Variants in RC3H2 observed in about 807,000 individuals in gnomAD.
RC3H2 encodes roquin-2.
A neutral mutation model predicts 133.3 loss-of-function variants in RC3H2; 31 were observed. That is an observed-to-expected ratio of 0.23 (90% CI 0.17 to 0.31). RC3H2 has a LOEUF of 0.31. Among genes scored for constraint, RC3H2 ranks in the 10% least tolerant of loss-of-function variants. The pLI is 1.00. For missense variants in RC3H2, 1,175 were observed against 1,437.2 expected (o/e 0.82, Z 2.95); for synonymous variants, 517 against 502.2 (o/e 1.03, Z -0.40).
rs1829880322 is a variant in RC3H2 at position 122,846,831 on chromosome 9, T to C, written c.*2796A>G. On this transcript the variant is annotated 3_prime_UTR_variant, in exon 21 of 21. Coordinates refer to ENST00000357244, the MANE Select transcript of RC3H2 (RefSeq NM_001100588.3). ...ATCCTAGGTCTGATTTGTAACATTT[T>C]CCTCGATGATATCAGTAGGTACCAT... 1 of 152,150 alleles carries C rather than the reference T, an allele frequency of 6.6e-6. No homozygotes were observed. Among genetic ancestry groups the C allele is most frequent in the African/African-American group, 2.4e-5 (1 of 41,430 alleles). The allele number at this position is 152,150 out of a possible 1,614,324, so 9.4% of individuals were successfully genotyped here.
chr9:122,861,519 A>AG (rs1184198634), intron 10 of RC3H2, among the ~76,000 whole-genome samples: 6 of 150,668 alleles, frequency 4.0e-5, no homozygotes, highest in East Asian at 1.9e-4. Flanking sequence ...AGAAAAGAAA[A>AG]AAAACCATAT....
Position 122,905,285 on chromosome 9 carries a change from G to T in RC3H2, c.-243C>A, listed in dbSNP as rs544202473. On this transcript the variant is annotated 5_prime_UTR_variant, in exon 1 of 21. Coordinates refer to ENST00000357244, the MANE Select transcript of RC3H2 (RefSeq NM_001100588.3). ...GTTGGCGGCGGCGAAGGCCGCGACG[G>T]GGCCTCCTCCTCCTCCCTCCACCTC... is the stretch of plus-strand genomic sequence containing the variant. 3.0e-6 allele frequency: 3 copies of T among 985,652 alleles called. No homozygotes were observed. Among genetic ancestry groups the T allele is most frequent in the African/African-American group, 3.5e-5 (2 of 57,216 alleles). 61.1% of individuals were successfully genotyped at this position (985,652 alleles called of 1,614,324 possible). A position where few individuals can be genotyped will look rare whatever the true frequency, so the allele number is the denominator to read the frequency against.
At chr9:122,892,629 T>C (rs1832232117) in intron 3 of RC3H2, among the ~76,000 whole-genome samples, 1 of 152,200 alleles carries the variant, frequency 6.6e-6, no homozygotes, top group African/African-American at 2.4e-5. Context: ...GCCAGGATAG[T>C]CTCGATCTTC....
chr9:122,851,939 C>G (rs1436551912), intron 18 of RC3H2, among the ~76,000 whole-genome samples: 12 of 151,980 alleles, frequency 7.9e-5, no homozygotes, highest in African/African-American at 2.9e-4. Context: ...AAGTGAGGAG[C>G]GTCTCTGCCT....
In RC3H2 at chr9:122,846,642, G is replaced by A. The variant is rs1829874404; in HGVS notation, c.*2985C>T. 1 of 152,086 alleles carries A rather than the reference G, an allele frequency of 6.6e-6. No individual in the cohort carries two copies. Among genetic ancestry groups the A allele is most frequent in the African/African-American group, 2.4e-5 (1 of 41,420 alleles). The allele number at this position is 152,086 out of a possible 1,614,324, so 9.4% of individuals were successfully genotyped here. A position where few individuals can be genotyped will look rare whatever the true frequency, so the allele number is the denominator to read the frequency against. Reference sequence around the variant, plus strand: ...CCACTTTCCTGCTTTCCAGACCTCAGACTATTTTTTCTGATTAGACAATAG... The same window carrying A: ...CCACTTTCCTGCTTTCCAGACCTCAAACTATTTTTTCTGATTAGACAATAG... On this transcript the variant is annotated 3_prime_UTR_variant, in exon 21 of 21. Transcript: ENST00000357244.
intron 20 of RC3H2, 21 bp downstream of exon 20, chr9:122,851,060 A>G: frequency 6.2e-7 from 1 of 1,613,026 alleles, no homozygotes; most frequent in Non-Finnish European, 8.5e-7. Context: ...ACTGTTTATG[A>G]ATTTTCTGTC....
rs1831541352 is a variant in RC3H2 at position 122,879,975 on chromosome 9, G to C, written c.1093+18C>G. On this transcript the variant is annotated intron_variant, in intron 7 of 20. Coordinates refer to ENST00000357244, the MANE Select transcript of RC3H2 (RefSeq NM_001100588.3). ...AAAGTAGAAAAAAATATAAGCAACT[G>C]AGCATATTCCCACATACCTGGATTA... 6.2e-7 allele frequency: 1 copy of C among 1,613,712 alleles called. No individual in the cohort carries two copies.
rs1831578114 is a variant in RC3H2, at chr9:122,880,628, G to A, written c.926C>T (p.Ala309Val). 1.2e-6 allele frequency: 2 copies of A among 1,613,888 alleles called. No individual in the cohort carries two copies. The highest frequency in any genetic ancestry group is 1.7e-6 in the Non-Finnish European group (2 of 1,179,878). The stretch of plus-strand genomic sequence containing the variant: ...GATAGACTGCATGTGTGATTTATGA[G>A]CCAAATCACCATACAAAAGAGAGGA... ...QWSSLLYGDL[A>V]HKSHMQSIID... The change falls in exon 6 of 21, where the codon GCT becomes GTT. Residue 309 changes from alanine to valine, a missense_variant. This residue lies in a region of RC3H2 where 131 missense variants were observed against 154.2 expected (regional missense o/e 0.85). Transcript: ENST00000357244.
Position 122,849,781 on chromosome 9 carries a change from C to A in RC3H2, c.3422G>T (p.Ser1141Ile). The change falls in exon 21 of 21, where the codon AGC (serine) becomes ATC (isoleucine). Residue 1141 changes from serine (S) to isoleucine (I), a missense_variant. This residue lies in a region of RC3H2 where 220 missense variants were observed against 201.1 expected (regional missense o/e 1.09). Coordinates refer to ENST00000357244, the MANE Select transcript of RC3H2 (RefSeq NM_001100588.3). ...KTILPVTSCFSQPLPVSISNA... is the reference protein window; with the variant it reads ...KTILPVTSCFIQPLPVSISNA... ...GCTAATAGACACTGGGAGTGGCTGG[C>A]TAAAGCAAGAAGTTACCGGCAGAAT... The A allele has an allele frequency of 6.3e-7, 1 of 1,583,582 alleles. No homozygotes were observed. Among genetic ancestry groups the A allele is most frequent in the South Asian group, 1.2e-5 (1 of 85,820 alleles).
At position 122,905,205 on chromosome 9, in the gene RC3H2, G is replaced by C. The variant is rs1480340481; in HGVS notation, c.-163C>G. ...AGGCGCCTCGTCTCGCCGGGGCAGAGCTCGGCGGAGGTTTCACGACCTCAA... is the reference window on the plus strand; with the variant it reads ...AGGCGCCTCGTCTCGCCGGGGCAGACCTCGGCGGAGGTTTCACGACCTCAA... On this transcript the variant is annotated 5_prime_UTR_variant, in exon 1 of 21. Coordinates refer to ENST00000357244, the MANE Select transcript of RC3H2 (RefSeq NM_001100588.3). The C allele has an allele frequency of 7.3e-5, 72 of 985,388 alleles. No homozygotes were observed. The highest frequency in any genetic ancestry group is 8.3e-5 in the Non-Finnish European group (69 of 829,956). 61.0% of individuals were successfully genotyped at this position (985,388 alleles called of 1,614,324 possible).
intron 10 of RC3H2, among the ~76,000 whole-genome samples, chr9:122,862,723 C>T (rs1385834842): frequency 2.6e-5 from 4 of 151,912 alleles, no homozygotes; most frequent in African/African-American, 9.7e-5. Flanking sequence ...GGCGAAACCC[C>T]GTCTCTACTA....
chr9:122,883,228 T>G lies in RC3H2; in HGVS notation c.735A>C (p.Leu245=). ...CCTTAAAACAAGAAGCTCGATACAG[T>G]AGTTGCACAACATGACCAATACTTG... ...SKTSIGHVVQ[L]LYRASCFKVT... is the part of the protein sequence containing the mutation. The change falls in exon 5 of 21, where the codon CTA becomes CTC. Residue 245 remains leucine (L), a synonymous_variant. Coordinates refer to ENST00000357244, the MANE Select transcript of RC3H2 (RefSeq NM_001100588.3). The G allele has an allele frequency of 1.2e-6, 2 of 1,613,498 alleles. No individual in the cohort carries two copies. Among genetic ancestry groups the G allele is most frequent in the South Asian group, 2.2e-5 (2 of 90,896 alleles).
chr9:122,887,933 CAG>C (rs1044473238), intron 4 of RC3H2, among the ~76,000 whole-genome samples: 1 of 151,968 alleles, frequency 6.6e-6, no homozygotes, highest in African/African-American at 2.4e-5. Context: ...TTAGTAGAGA[CAG>C]GGTTTCGCCA....
intron 18 of RC3H2, among the ~76,000 whole-genome samples, chr9:122,851,919 C>G (rs914564892): frequency 4.6e-5 from 7 of 152,066 alleles, no homozygotes; most frequent in Non-Finnish European, 1.0e-4. Context: ...CGGCCGCCAC[C>G]CCGTCTGGGA....
rs1588057326 is a variant in RC3H2 at position 122,858,105 on chromosome 9, T to A, written c.2284-12A>T. On this transcript the variant is annotated splice_polypyrimidine_tract_variant and intron_variant, in intron 12 of 20. Transcript: ENST00000357244. ...TGACCACAAGGTTCCTAATGGGGGA[T>A]AAAAGAAACAATCTTAATCATCTAG... 6.2e-7 allele frequency: 1 copy of A among 1,612,606 alleles called. No individual in the cohort carries two copies. Among genetic ancestry groups the A allele is most frequent in the East Asian group, 2.2e-5 (1 of 44,868 alleles).
chr9:122,871,511 G>T (rs1026566808), intron 9 of RC3H2, among the ~76,000 whole-genome samples: 3 of 151,378 alleles, frequency 2.0e-5, no homozygotes, highest in Admixed American at 6.6e-5. Flanking sequence ...GTTAGTGGGG[G>T]GGGGGGTTTC....
chr9:122,902,966 A>T (rs951808166), intron 1 of RC3H2, among the ~76,000 whole-genome samples: 2 of 152,202 alleles, frequency 1.3e-5, no homozygotes, highest in Admixed American at 6.5e-5. Context: ...TTACTGAGAT[A>T]TTAAAAAAAA....
chr9:122,875,956 T>C (rs569383648), intron 9 of RC3H2, among the ~76,000 whole-genome samples: 30 of 152,292 alleles, frequency 2.0e-4, no homozygotes, highest in African/African-American at 6.5e-4. Flanking sequence ...TGAGTAAATC[T>C]GTGCTTTTAA....
At position 122,857,186 on chromosome 9, in the gene RC3H2, A is replaced by AT. The variant is rs1392030091; in HGVS notation, c.2454+736dup. The stretch of plus-strand genomic sequence containing the variant: ...ATCATATTATTCTCTCTATACTTGT[A>AT]TATGTTTGAAATTTTTTATAATGAA... On this transcript the variant is annotated intron_variant, in intron 13 of 20. Transcript: ENST00000357244. 2.6e-5 allele frequency among the ~76,000 whole-genome samples: 4 copies of AT among 152,298 alleles called. 1 individual carries two copies. In the South Asian group the frequency reaches 8.3e-4, roughly 32 times the overall value.
Sources: gnomAD v4.1 joint callset for allele counts (sites outside exome capture counted in the v4.1 genomes callset) on GRCh38, gnomAD v4.1.1 for gene constraint, gnomAD v4.1.1 regional missense constraint, MANE v1.5 for transcripts, NCBI Gene and HGNC (gene_info 2026-07-23, HGNC 2026-07-21) for gene names.